Variants in MAGI2 observed in about 807,000 individuals in gnomAD.
The protein encoded by MAGI2 is membrane-associated guanylate kinase, WW and PDZ domain-containing protein 2.
Under a neutral mutation model 133.3 loss-of-function variants are expected in MAGI2, and 35 were observed. That is an observed-to-expected ratio of 0.26 (90% CI 0.20 to 0.35). The LOEUF (loss-of-function observed/expected upper bound fraction) is 0.35, where lower values mean the gene tolerates loss of function less well. Ranked by LOEUF, MAGI2 falls within the 10% of genes least tolerant of loss-of-function variation. The pLI, the probability that MAGI2 is intolerant of heterozygous loss-of-function variation, is 1.00. For synonymous variants in MAGI2, 729 were observed against 710.6 expected (o/e 1.03, Z -0.41); for missense variants, 1,636 against 1,863.4 (o/e 0.88, Z 2.25).
intron 9 of MAGI2, among the ~76,000 whole-genome samples, chr7:78,276,789 T>C (rs1335225066): frequency 1.3e-5 from 2 of 152,164 alleles, no homozygotes; most frequent in African/African-American, 4.8e-5. Flanking sequence ...ATGAGAATAG[T>C]AATATCACTG....
intron 1 of MAGI2, among the ~76,000 whole-genome samples, chr7:79,028,285 A>C (rs1439495216): frequency 3.7e-5 from 2 of 54,326 alleles, no homozygotes; most frequent in African/African-American, 6.5e-5. Context: ...ATGTATATAT[A>C]TATATATGTG....
At chr7:78,709,394 CCTT>C (rs1308840183) in intron 2 of MAGI2, among the ~76,000 whole-genome samples, 2 of 152,016 alleles carry the variant, frequency 1.3e-5, no homozygotes, top group Admixed American at 6.6e-5. Context: ...CCCTTTATCT[CCTT>C]CTTTTCTAAG....
chr7:78,786,235 C>G (rs1397267843), intron 2 of MAGI2, among the ~76,000 whole-genome samples: 2 of 152,262 alleles, frequency 1.3e-5, no homozygotes, highest in Admixed American at 1.3e-4. Context: ...CAAAATAGAT[C>G]AGCATCTAAC....
At chr7:79,379,592 T>C (rs1441141160) in intron 1 of MAGI2, among the ~76,000 whole-genome samples, 4 of 151,246 alleles carry the variant, frequency 2.6e-5, no homozygotes, top group South Asian at 2.1e-4. Flanking sequence ...TGTAAAAGTG[T>C]TCCTATTTCT....
chr7:78,047,730 C>T (rs1462620972), intron 21 of MAGI2, among the ~76,000 whole-genome samples: 3 of 152,208 alleles, frequency 2.0e-5, no homozygotes, highest in African/African-American at 4.8e-5. Flanking sequence ...TCTGTCTTGC[C>T]TCTGTGGATG....
At chr7:79,447,607 C>A (rs1368307300) in intron 1 of MAGI2, among the ~76,000 whole-genome samples, 1 of 151,808 alleles carries the variant, frequency 6.6e-6, no homozygotes, top group Non-Finnish European at 1.5e-5. Context: ...CACAGACTTA[C>A]TTATATTGCA....
intron 21 of MAGI2, among the ~76,000 whole-genome samples, chr7:78,021,319 G>A (rs1015837430): frequency 6.6e-6 from 1 of 152,170 alleles, no homozygotes; most frequent in Admixed American, 6.5e-5. Flanking sequence ...AGTGGAGAAC[G>A]AAGAAACCAC....
At chr7:78,298,070 G>A (rs1209456480) in intron 9 of MAGI2, among the ~76,000 whole-genome samples, 2 of 151,876 alleles carry the variant, frequency 1.3e-5, no homozygotes, top group African/African-American at 2.4e-5. Context: ...TCGATATGAT[G>A]TGATGAGAAT....
At chr7:78,139,856 A>C (rs1294911041) in intron 16 of MAGI2, among the ~76,000 whole-genome samples, 4 of 152,248 alleles carry the variant, frequency 2.6e-5, no homozygotes, top group African/African-American at 9.6e-5. Flanking sequence ...TTTATAGATA[A>C]AACAATATTG....
At chr7:79,020,849 G>T (rs1809258369) in intron 1 of MAGI2, among the ~76,000 whole-genome samples, 2 of 152,256 alleles carry the variant, frequency 1.3e-5, no homozygotes, top group Middle Eastern at 6.8e-3. Context: ...TCCAGGGCAT[G>T]TCAGAGGTCT....
chr7:79,278,501 A>T (rs916060870), intron 1 of MAGI2, among the ~76,000 whole-genome samples: 2 of 152,186 alleles, frequency 1.3e-5, no homozygotes, highest in African/African-American at 2.4e-5. Context: ...CAACCAACAA[A>T]TCAGAGTTGG....
chr7:78,286,509 T>G (rs1796155218), intron 9 of MAGI2, among the ~76,000 whole-genome samples: 1 of 152,008 alleles, frequency 6.6e-6, no homozygotes, highest in Non-Finnish European at 1.5e-5. Context: ...ATTGGCAAGT[T>G]AAAGGGGAGG....
Position 78,127,343 on chromosome 7 carries a change from G to C in MAGI2, c.3277C>G (p.Gln1093Glu). Reference sequence around the variant, plus strand: ...GGTTGCCTGTAATCCAGCGGGGGCTGCCTGTAGTCTGTGAATGGAGGCTGT... The same window carrying C: ...GGTTGCCTGTAATCCAGCGGGGGCTCCCTGTAGTCTGTGAATGGAGGCTGT... ...IRQPPFTDYR[Q>E]PPLDYRQPPG... The change falls in exon 19 of 22, where the codon CAG becomes GAG. Residue 1093 changes from glutamine to glutamate, a missense_variant. This residue lies in a region of MAGI2 where 920 missense variants were observed against 1,093.5 expected (regional missense o/e 0.84). Transcript: ENST00000354212. 1 of 1,610,728 alleles carries C rather than the reference G, an allele frequency of 6.2e-7. No homozygotes were observed. The highest frequency in any genetic ancestry group is 8.5e-7 in the Non-Finnish European group (1 of 1,179,938).
At chr7:78,211,487 A>G (rs1787763957) in intron 10 of MAGI2, among the ~76,000 whole-genome samples, 1 of 152,208 alleles carries the variant, frequency 6.6e-6, no homozygotes, top group South Asian at 2.1e-4. Flanking sequence ...ACATGCTATC[A>G]GGATGGACTC....
chr7:78,649,222 T>TAAGAAAAAAAAAAAAAAAAA (rs1811239512), intron 2 of MAGI2, among the ~76,000 whole-genome samples: 1 of 45,052 alleles, frequency 2.2e-5, no homozygotes, highest in Non-Finnish European at 3.8e-5. Flanking sequence ...TGACTTGTGG[T>TAAGAAAAAAAAAAAAAAAAA]AAAAAAAAAA....
intron 20 of MAGI2, among the ~76,000 whole-genome samples, chr7:78,080,105 G>A (rs2151189030): frequency 6.6e-6 from 1 of 152,336 alleles, no homozygotes; most frequent in African/African-American, 2.4e-5. Context: ...GATGCTGCAG[G>A]CTGGCTGAGA....
chr7:78,429,196 A>T (rs936469756), intron 6 of MAGI2, among the ~76,000 whole-genome samples: 3 of 152,170 alleles, frequency 2.0e-5, no homozygotes, highest in African/African-American at 7.2e-5. Flanking sequence ...AAAACTGTTT[A>T]TATTAATAAA....
chr7:78,453,548 G>T (rs538587469), intron 6 of MAGI2, among the ~76,000 whole-genome samples: 1 of 152,124 alleles, frequency 6.6e-6, no homozygotes, highest in Non-Finnish European at 1.5e-5. Flanking sequence ...TGTGCCCTCA[G>T]GTGAGCTAGT....
intron 12 of MAGI2, among the ~76,000 whole-genome samples, chr7:78,190,162 C>G (rs1828067453): frequency 6.6e-6 from 1 of 152,130 alleles, no homozygotes; most frequent in Non-Finnish European, 1.5e-5. Context: ...ACCTTACTAC[C>G]TATTTTTTTC....
Sources: allele counts gnomAD v4.1 joint callset (sites outside exome capture counted in the v4.1 genomes callset), GRCh38; gene constraint gnomAD v4.1.1; regional missense constraint gnomAD v4.1.1; transcripts MANE v1.5; gene names NCBI Gene and HGNC (gene_info 2026-07-23, HGNC 2026-07-21).